The following PDE8B variants were observed in gnomAD, a reference collection of about 807,000 sequenced individuals.
The protein encoded by PDE8B is phosphodiesterase 8B.
Under a neutral mutation model 101.3 loss-of-function variants are expected in PDE8B, and 26 were observed. The observed-to-expected ratio is 0.26, with a 90% CI of 0.19 to 0.36. The LOEUF (loss-of-function observed/expected upper bound fraction) is 0.36, where lower values mean the gene tolerates loss of function less well. Ranked by LOEUF, PDE8B falls within the 10% of genes least tolerant of loss-of-function variation. The probability of loss-of-function intolerance (pLI) is 1.00; values close to 1 mark genes in which losing one functional copy is unlikely to be tolerated. For missense variants in PDE8B, 810 were observed against 1,163.1 expected (o/e 0.70, Z 4.42); for synonymous variants, 424 against 429.3 (o/e 0.99, Z 0.15).
chr5:77,368,030 G>A (rs1225687391), intron 10 of PDE8B, among the ~76,000 whole-genome samples: 1 of 152,204 alleles, frequency 6.6e-6, no homozygotes, highest in Non-Finnish European at 1.5e-5. Context: ...CCCCATGTGA[G>A]AATAAGAGAT....
chr5:77,099,540 G>A, the PDE8B span, among the ~76,000 whole-genome samples: 1 of 152,188 alleles, frequency 6.6e-6, no homozygotes, highest in Non-Finnish European at 1.5e-5. Context: ...CTGAGCTGCT[G>A]TGCAGAGGAC....
At chr5:77,367,763 T>G (rs1361023433) in intron 10 of PDE8B, among the ~76,000 whole-genome samples, 1 of 152,200 alleles carries the variant, frequency 6.6e-6, no homozygotes. Context: ...TCTCCTGACC[T>G]CATGATCTGC....
intron 2 of PDE8B, among the ~76,000 whole-genome samples, chr5:77,323,228 A>C (rs1441712727): frequency 1.3e-5 from 2 of 152,200 alleles, no homozygotes; most frequent in Non-Finnish European, 1.5e-5. Context: ...ATCAAAATCC[A>C]CAAGGTTGTG....
chr5:77,115,717 A>G, the PDE8B span, among the ~76,000 whole-genome samples: 4 of 152,354 alleles, frequency 2.6e-5, no homozygotes, highest in Admixed American at 6.5e-5. Flanking sequence ...CAGAAGGAAC[A>G]TGGGAAAAAG....
intron 1 of PDE8B, among the ~76,000 whole-genome samples, chr5:77,220,596 A>G (rs1750895650): frequency 6.6e-6 from 1 of 152,210 alleles, no homozygotes. Flanking sequence ...GAAACATGTT[A>G]TATGTGGCAT....
intron 1 of PDE8B, among the ~76,000 whole-genome samples, chr5:77,217,458 C>G (rs1385745535): frequency 6.6e-6 from 1 of 151,814 alleles, no homozygotes; most frequent in South Asian, 2.1e-4. Context: ...TAAAATGTGT[C>G]CAGGAATTTA....
At chr5:77,104,839 C>T in the PDE8B span, 1 of 152,000 alleles carries the variant, frequency 6.6e-6, no homozygotes, top group African/African-American at 2.4e-5. Flanking sequence ...TAAAATGCTT[C>T]CATTTTAAAT....
At chr5:77,169,076 C>T in the PDE8B span, among the ~76,000 whole-genome samples, 126 of 152,286 alleles carry the variant, frequency 8.3e-4, 2 homozygotes, top group East Asian at 0.022. Flanking sequence ...TGAGAGTTGG[C>T]GCAGTGCCAG....
chr5:77,394,360 C>A (rs1232191325), intron 10 of PDE8B, among the ~76,000 whole-genome samples: 1 of 152,138 alleles, frequency 6.6e-6, no homozygotes, highest in African/African-American at 2.4e-5. Context: ...GTATCTCCTC[C>A]TCGCACTCTT....
chr5:77,303,067 C>G (rs1770337222), intron 1 of PDE8B, among the ~76,000 whole-genome samples: 1 of 152,106 alleles, frequency 6.6e-6, no homozygotes. Flanking sequence ...AAATAAAAAG[C>G]ATGTGTAGAA....
chr5:77,290,420 A>G, intron 1 of PDE8B: 1 of 1,424,562 alleles, frequency 7.0e-7, no homozygotes, highest in African/African-American at 1.4e-5. Context: ...CAATAGCAAG[A>G]GTCCGACAGG....
At chr5:77,234,524 A>G (rs6885099) in intron 1 of PDE8B, among the ~76,000 whole-genome samples, 79,863 of 151,966 alleles carry the variant, frequency 0.53, 22,781 homozygotes, top group East Asian at 0.83. Context: ...ACTTTACCGA[A>G]CCTCAGAGAT....
In PDE8B at chr5:77,217,949, T is replaced by G. The variant is rs549456647; in HGVS notation, c.339+6685T>G. Among the ~76,000 whole-genome samples the G allele has an allele frequency of 2.0e-5, 3 of 152,298 alleles. No individual in the cohort carries two copies. The South Asian group carries it at 6.2e-4, about 32-fold the overall frequency. On this transcript the variant is annotated intron_variant, in intron 1 of 21. Coordinates refer to ENST00000264917, the MANE Select transcript of PDE8B (RefSeq NM_003719.5). ...TCAGCAGATAATAGTCAACTCTTATTTAGGATTTTTCTGTTTTACTCTTTA... is the reference window on the plus strand; with the variant it reads ...TCAGCAGATAATAGTCAACTCTTATGTAGGATTTTTCTGTTTTACTCTTTA...
At chr5:77,281,310 T>C (rs1230749794) in intron 1 of PDE8B, among the ~76,000 whole-genome samples, 1 of 152,260 alleles carries the variant, frequency 6.6e-6, no homozygotes, top group African/African-American at 2.4e-5. Flanking sequence ...GCCAGGATTC[T>C]AATCCAATGT....
chr5:77,292,176 C>T (rs1055069089), intron 1 of PDE8B, among the ~76,000 whole-genome samples: 6 of 151,976 alleles, frequency 3.9e-5, no homozygotes, highest in African/African-American at 9.7e-5. Flanking sequence ...GTGTTGGTTG[C>T]GCAGATGGAT....
At chr5:77,414,009 G>A (rs1374465509) in intron 17 of PDE8B, among the ~76,000 whole-genome samples, 1 of 152,094 alleles carries the variant, frequency 6.6e-6, no homozygotes, top group Non-Finnish European at 1.5e-5. Flanking sequence ...GCTACAACTA[G>A]AACTAAAACT....
upstream of PDE8B, among the ~76,000 whole-genome samples, chr5:77,207,575 C>T (rs917505797): frequency 2.0e-5 from 3 of 152,038 alleles, no homozygotes; most frequent in African/African-American, 7.2e-5. Context: ...TATTCTGTAA[C>T]TTAGGCCTAA....
At chr5:77,408,277 T>C (rs906155481) in intron 13 of PDE8B, among the ~76,000 whole-genome samples, 3 of 152,190 alleles carry the variant, frequency 2.0e-5, no homozygotes, top group Admixed American at 6.5e-5. Context: ...GTTTTTGGTG[T>C]GAGCATGAAG....
intron 1 of PDE8B, among the ~76,000 whole-genome samples, chr5:77,255,052 C>T (rs1758822048): frequency 6.6e-6 from 1 of 152,166 alleles, no homozygotes; most frequent in Admixed American, 6.5e-5. Context: ...CTCCAAGTTA[C>T]CTCCCTCCCT....
Sources: allele counts gnomAD v4.1 joint callset (sites outside exome capture counted in the v4.1 genomes callset), GRCh38; gene constraint gnomAD v4.1.1; transcripts MANE v1.5; gene names NCBI Gene and HGNC (gene_info 2026-07-23, HGNC 2026-07-21).